SLC15A5: variants seen among roughly 807,000 people sequenced by gnomAD.
SLC15A5 encodes Peptide/histidine transporter ENSP00000340402.
A neutral mutation model predicts 56.1 loss-of-function variants in SLC15A5; 58 were observed. The ratio of observed to expected loss-of-function variants is 1.03; its 90% CI spans 0.84 to 1.29. The LOEUF is 1.29. Ranked by LOEUF, SLC15A5 falls within the 50% of genes most tolerant of loss-of-function variation. SLC15A5 has a pLI of 0.00. For missense variants in SLC15A5, 681 were observed against 672.1 expected (o/e 1.01, Z -0.15); for synonymous variants, 264 against 250.5 (o/e 1.05, Z -0.51).
chr12:16,190,834 G>T (rs1433714153), intron 8 of SLC15A5, among the ~76,000 whole-genome samples: 1 of 152,030 alleles, frequency 6.6e-6, no homozygotes, highest in African/African-American at 2.4e-5. Flanking sequence ...AATTCTTACA[G>T]CATAGACACA....
Position 16,243,227 on chromosome 12 carries a change from TGA to T in SLC15A5, c.975+1351_975+1352del, listed in dbSNP as rs1565668449. ...TTGCTTTTTCTCTTTTTTTTTTTTT[TGA>T]GATGGAGTTTCATTCTTGTTTCCCA... On this transcript the variant is annotated intron_variant, in intron 4 of 8. Transcript: ENST00000344941. This position sits in a 1 kb window ranked among gnomAD's most constrained non-coding sequence, Gnocchi z 4.4. 8.5e-6 allele frequency among the ~76,000 whole-genome samples: 1 copy of T among 117,462 alleles called. No homozygotes were observed. The highest frequency in any genetic ancestry group is 1.8e-5 in the Non-Finnish European group (1 of 55,860). The allele number at this position is 117,462 out of a possible 152,430, so 77.1% of individuals were successfully genotyped here. A position where few individuals can be genotyped will look rare whatever the true frequency, so the allele number is the denominator to read the frequency against.
chr12:16,252,196 G>A (rs1214824075), intron 3 of SLC15A5, among the ~76,000 whole-genome samples: 4 of 151,950 alleles, frequency 2.6e-5, no homozygotes, highest in East Asian at 3.9e-4. Context: ...ATATCCCACC[G>A]CTGACATCAT....
Position 16,235,280 on chromosome 12 carries a change from A to G in SLC15A5, c.1162+4401T>C, listed in dbSNP as rs11056833. Among the ~76,000 whole-genome samples, 1 of 141,504 alleles carries G rather than the reference A, an allele frequency of 7.1e-6. No homozygotes were observed. The highest frequency in any genetic ancestry group is 2.3e-4 in the South Asian group (1 of 4,298). 92.8% of individuals were successfully genotyped at this position (141,504 alleles called of 152,430 possible). A position where few individuals can be genotyped will look rare whatever the true frequency, so the allele number is the denominator to read the frequency against. On this transcript the variant is annotated intron_variant, in intron 5 of 8. Transcript: ENST00000344941. The surrounding 1 kb of genome is among the most constrained non-coding windows in gnomAD (Gnocchi z 4.1). Reference sequence around the variant, plus strand: ...TGTATATATATGTATATGTATATATATGTATATATGTATATGTATATGTAT... The same window carrying G: ...TGTATATATATGTATATGTATATATGTGTATATATGTATATGTATATGTAT...
rs565204591 is a variant in SLC15A5 at position 16,271,053 on chromosome 12, A to T, written c.584+1508T>A. Among the ~76,000 whole-genome samples, 1 of 152,306 alleles carries T rather than the reference A, an allele frequency of 6.6e-6. No individual in the cohort carries two copies. The highest frequency in any genetic ancestry group is 2.1e-4 in the South Asian group (1 of 4,826). On this transcript the variant is annotated intron_variant, in intron 2 of 8. Transcript: ENST00000344941. The surrounding 1 kb of genome is among the most constrained non-coding windows in gnomAD (Gnocchi z 8.0). ...TGAAATCAGAAAATAATTTTTAAAA[A>T]TCTAAATATGTTCATCCTAAATTTG...
intron 5 of SLC15A5, among the ~76,000 whole-genome samples, chr12:16,228,080 A>G (rs375773413): frequency 3.3e-5 from 5 of 152,256 alleles, no homozygotes; most frequent in Non-Finnish European, 7.3e-5. Context: ...AGTAAGAACC[A>G]TAGTAGATAT....
intron 4 of SLC15A5, 67 bp downstream of exon 4, chr12:16,244,513 T>A (rs1864442751): frequency 7.1e-7 from 1 of 1,408,704 alleles, no homozygotes; most frequent in East Asian, 2.5e-5. Context: ...AAAATTCACC[T>A]TGACTTGCAC....
chr12:16,211,967 G>C (rs1411841781), intron 7 of SLC15A5, among the ~76,000 whole-genome samples: 2 of 152,162 alleles, frequency 1.3e-5, no homozygotes, highest in African/African-American at 4.8e-5. Flanking sequence ...GACTGTGATA[G>C]CTGATCTTCT....
chr12:16,244,494 G>C (rs1035098305), intron 4 of SLC15A5, 86 bp downstream of exon 4: 24 of 1,238,250 alleles, frequency 1.9e-5, no homozygotes, highest in Non-Finnish European at 2.5e-5. Flanking sequence ...GAAAGCGCTC[G>C]TTGGGGAGAA....
intron 2 of SLC15A5, among the ~76,000 whole-genome samples, chr12:16,259,030 T>C (rs1864612016): frequency 1.4e-4 from 2 of 13,820 alleles, no homozygotes; most frequent in Non-Finnish European, 2.9e-4. Context: ...TTTCCTTTTT[T>C]TTTTTTTTTT....
chr12:16,272,491 A>G, intron 2 of SLC15A5, 70 bp downstream of exon 2: 3 of 1,422,308 alleles, frequency 2.1e-6, no homozygotes, highest in Non-Finnish European at 2.9e-6. Context: ...ACTACTACCC[A>G]AATGGAATCA....
At chr12:16,202,865 A>G (rs1362354404) in intron 7 of SLC15A5, among the ~76,000 whole-genome samples, 1 of 152,182 alleles carries the variant, frequency 6.6e-6, no homozygotes, top group Non-Finnish European at 1.5e-5. Flanking sequence ...AAGACACAGA[A>G]AGACGAATAC....
intron 7 of SLC15A5, among the ~76,000 whole-genome samples, chr12:16,200,885 G>A (rs919763574): frequency 3.9e-5 from 6 of 152,096 alleles, no homozygotes; most frequent in African/African-American, 1.4e-4. Flanking sequence ...TAAGGAAATA[G>A]AGATGAGAAC....
intron 7 of SLC15A5, among the ~76,000 whole-genome samples, chr12:16,204,430 T>C (rs1456627198): frequency 8.1e-6 from 1 of 123,930 alleles, no homozygotes; most frequent in Admixed American, 8.6e-5. Flanking sequence ...AGCGAGACAC[T>C]GTCTCAAAAA....
chr12:16,261,496 T>C (rs1864642629), intron 2 of SLC15A5, among the ~76,000 whole-genome samples: 1 of 152,186 alleles, frequency 6.6e-6, no homozygotes, highest in Admixed American at 6.5e-5. Context: ...TTAATAGACT[T>C]TTTCAGCTTA....
Position 16,237,779 on chromosome 12 carries a change from T to C in SLC15A5, c.1162+1902A>G, listed in dbSNP as rs529783734. On this transcript the variant is annotated intron_variant, in intron 5 of 8. Transcript: ENST00000344941. This position sits in a 1 kb window ranked among gnomAD's most constrained non-coding sequence, Gnocchi z 4.1. ...ATTTGGAAGCTCAGATTGGGGTGTT[T>C]CATGACACTGTACAAAACTGCTGAG... 6.6e-6 allele frequency among the ~76,000 whole-genome samples: 1 copy of C among 152,286 alleles called. No individual in the cohort carries two copies. The highest frequency in any genetic ancestry group is 1.5e-5 in the Non-Finnish European group (1 of 67,980).
chr12:16,255,462 G>C (rs928193270), intron 3 of SLC15A5, among the ~76,000 whole-genome samples: 1 of 151,958 alleles, frequency 6.6e-6, no homozygotes, highest in African/African-American at 2.4e-5. Context: ...GAGAGGCTGT[G>C]GGGAAAAAGG....
intron 5 of SLC15A5, among the ~76,000 whole-genome samples, chr12:16,227,458 A>G (rs976345411): frequency 2.0e-5 from 3 of 152,144 alleles, no homozygotes; most frequent in South Asian, 2.1e-4. Context: ...CTCATATTCT[A>G]TTGGGGAGTA....
chr12:16,269,212 A>G lies in SLC15A5; in HGVS notation c.584+3349T>C, dbSNP rs868197000. Reference sequence around the variant, plus strand: ...AAGACAGTACTTGTTTAAAATATGCATTTCCCACCTGTCCTCCCAGAAAAT... The same window carrying G: ...AAGACAGTACTTGTTTAAAATATGCGTTTCCCACCTGTCCTCCCAGAAAAT... On this transcript the variant is annotated intron_variant, in intron 2 of 8. Coordinates refer to ENST00000344941, the MANE Select transcript of SLC15A5 (RefSeq NM_001170798.1). The surrounding 1 kb of genome is among the most constrained non-coding windows in gnomAD (Gnocchi z 4.7). Among the ~76,000 whole-genome samples, 5 of 152,308 alleles carry G rather than the reference A, an allele frequency of 3.3e-5. No homozygotes were observed. The highest frequency in any genetic ancestry group is 2.0e-4 in the Admixed American group (3 of 15,288).
In SLC15A5 at chr12:16,211,776, C is replaced by T. The variant is rs1315200095; in HGVS notation, c.1483+5117G>A. ...GGATGAGTTTAGTCTTGTATCTTCT[C>T]CTTTAAAGCACTCAGAGTTAGAGAT... On this transcript the variant is annotated intron_variant, in intron 7 of 8. Coordinates refer to ENST00000344941, the MANE Select transcript of SLC15A5 (RefSeq NM_001170798.1). Among the ~76,000 whole-genome samples the T allele has an allele frequency of 7.2e-5, 11 of 152,118 alleles. 1 individual carries two copies. The highest frequency in any genetic ancestry group is 7.2e-4 in the Admixed American group (11 of 15,262).
Sources: allele counts gnomAD v4.1 joint callset (sites outside exome capture counted in the v4.1 genomes callset), GRCh38; gene constraint gnomAD v4.1.1; non-coding constraint Gnocchi (gnomAD v3.1); transcripts MANE v1.5; gene names NCBI Gene and HGNC (gene_info 2026-07-23, HGNC 2026-07-21).